Variants in NRG1 observed in about 807,000 individuals in gnomAD.
NRG1 encodes pro-neuregulin-1, membrane-bound isoform.
Under a neutral mutation model 63.8 loss-of-function variants are expected in NRG1, and 18 were observed. The ratio of observed to expected loss-of-function variants is 0.28; its 90% CI spans 0.19 to 0.42. The LOEUF (loss-of-function observed/expected upper bound fraction) is 0.42. Among genes scored for constraint, NRG1 ranks in the 10% least tolerant of loss-of-function variants. The pLI is 1.00. For missense variants in NRG1, 762 were observed against 814.7 expected, an observed-to-expected ratio of 0.94 and a Z score of 0.79; for synonymous variants, 302 against 301.3, an observed-to-expected ratio of 1.00 and a Z score of -0.02.
At chr8:32,106,096 T>C (rs1831223554) in intron 1 of NRG1, among the ~76,000 whole-genome samples, 1 of 152,182 alleles carries the variant, frequency 6.6e-6, no homozygotes, top group South Asian at 2.1e-4. Context: ...AAACGTTGTG[T>C]GTGCATATAA....
intron 1 of NRG1, among the ~76,000 whole-genome samples, chr8:31,822,371 A>G (rs993801256): frequency 6.6e-6 from 1 of 151,704 alleles, no homozygotes; most frequent in Non-Finnish European, 1.5e-5. Context: ...GTGTTTGGAG[A>G]GATGGTTATG....
intron 1 of NRG1, among the ~76,000 whole-genome samples, chr8:31,970,730 G>A (rs1033132965): frequency 6.6e-6 from 1 of 152,056 alleles, no homozygotes; most frequent in Non-Finnish European, 1.5e-5. Context: ...TAGGACTGCT[G>A]TACCCACAGT....
At chr8:32,549,349 T>G (rs1833685531) in intron 1 of NRG1, among the ~76,000 whole-genome samples, 1 of 152,194 alleles carries the variant, frequency 6.6e-6, no homozygotes. Flanking sequence ...TTCGGCGTTT[T>G]GGGGCACAGG....
chr8:31,981,958 G>T (rs10104419), intron 1 of NRG1, among the ~76,000 whole-genome samples: 2 of 151,782 alleles, frequency 1.3e-5, no homozygotes, highest in Non-Finnish European at 2.9e-5. Flanking sequence ...AATGGTAGAG[G>T]TGGTGGGTGA....
At chr8:32,401,665 A>G (rs1430500520) in intron 1 of NRG1, among the ~76,000 whole-genome samples, 1 of 152,146 alleles carries the variant, frequency 6.6e-6, no homozygotes, top group East Asian at 1.9e-4. Flanking sequence ...GCCCTCACTT[A>G]TCAGTGGGAG....
intron 1 of NRG1, among the ~76,000 whole-genome samples, chr8:32,178,571 T>C (rs1041769778): frequency 3.3e-5 from 5 of 152,134 alleles, no homozygotes; most frequent in Non-Finnish European, 7.4e-5. Context: ...GATTGCATCA[T>C]TGCACTGCAG....
At chr8:31,926,045 G>A (rs1834332857) in intron 1 of NRG1, among the ~76,000 whole-genome samples, 2 of 152,112 alleles carry the variant, frequency 1.3e-5, no homozygotes, top group Non-Finnish European at 2.9e-5. Flanking sequence ...TAAAGGTTCT[G>A]GATGATGATC....
chr8:31,837,433 T>G (rs1048491864), intron 1 of NRG1, among the ~76,000 whole-genome samples: 12 of 152,082 alleles, frequency 7.9e-5, no homozygotes, highest in African/African-American at 2.7e-4. Context: ...TCCTAATACA[T>G]GTACATATTG....
intron 1 of NRG1, among the ~76,000 whole-genome samples, chr8:31,997,955 G>A (rs1812286084): frequency 6.6e-6 from 1 of 151,954 alleles, no homozygotes; most frequent in Admixed American, 6.6e-5. Flanking sequence ...TCTCAAATCT[G>A]GACAGTCTAT....
chr8:32,502,949 G>A (rs1002239168), intron 1 of NRG1, among the ~76,000 whole-genome samples: 2 of 152,096 alleles, frequency 1.3e-5, no homozygotes, highest in Non-Finnish European at 2.9e-5. Context: ...AAAAGAGCAG[G>A]TTTATTAACA....
intron 1 of NRG1, among the ~76,000 whole-genome samples, chr8:31,694,677 G>A (rs748054413): frequency 3.3e-5 from 5 of 152,140 alleles, no homozygotes; most frequent in Non-Finnish European, 7.4e-5. Flanking sequence ...AGAGCCAATG[G>A]GGCATAGGGA....
chr8:32,753,469 T>A (rs1471941183), intron 7 of NRG1, among the ~76,000 whole-genome samples: 1 of 152,232 alleles, frequency 6.6e-6, no homozygotes, highest in Non-Finnish European at 1.5e-5. Context: ...CTTAGTATAA[T>A]CTACATTAGC....
At chr8:32,131,296 T>C (rs1041739327) in intron 1 of NRG1, among the ~76,000 whole-genome samples, 4 of 152,002 alleles carry the variant, frequency 2.6e-5, no homozygotes, top group Admixed American at 6.6e-5. Flanking sequence ...ATAGAAATCC[T>C]AAAACAACTG....
chr8:31,670,970 CA>C (rs1270049176), intron 1 of NRG1, among the ~76,000 whole-genome samples: 1 of 152,130 alleles, frequency 6.6e-6, no homozygotes, highest in East Asian at 1.9e-4. Context: ...CCTCAATCCA[CA>C]AATAGGTCCC....
chr8:32,359,042 A>G (rs1423060406), intron 1 of NRG1, among the ~76,000 whole-genome samples: 1 of 152,124 alleles, frequency 6.6e-6, no homozygotes, highest in African/African-American at 2.4e-5. Flanking sequence ...AGGGAGGGTG[A>G]ATAGCCCTCC....
chr8:31,867,354 G>A (rs1829055760), intron 1 of NRG1, among the ~76,000 whole-genome samples: 1 of 152,064 alleles, frequency 6.6e-6, no homozygotes, highest in Non-Finnish European at 1.5e-5. Flanking sequence ...TGGTTTAAGG[G>A]TTTTGCCTAA....
At chr8:32,094,350 G>T (rs576611281) in intron 1 of NRG1, among the ~76,000 whole-genome samples, 2 of 152,296 alleles carry the variant, frequency 1.3e-5, no homozygotes, top group South Asian at 4.1e-4. Flanking sequence ...CAAAGGAGGG[G>T]CAGCCCCATT....
chr8:31,813,098 T>C (rs887470231), intron 1 of NRG1, among the ~76,000 whole-genome samples: 4 of 152,222 alleles, frequency 2.6e-5, no homozygotes, highest in African/African-American at 9.6e-5. Context: ...TTGTCAGCTA[T>C]ATTTTGATTA....
rs192712990 is a variant in NRG1, at chr8:31,864,098, G to C, written c.37+224667G>C. On this transcript the variant is annotated intron_variant, in intron 1 of 10. Transcript: ENST00000519301. Reference sequence around the variant, plus strand: ...GTCATGTCTGTGAAGGACCCTTGATGGTATCTAGTCTTAACCCTCAACTTA... The same window carrying C: ...GTCATGTCTGTGAAGGACCCTTGATCGTATCTAGTCTTAACCCTCAACTTA... 7.6e-3 allele frequency among the ~76,000 whole-genome samples: 1,162 copies of C among 152,260 alleles called. 8 individuals carry two copies. Among genetic ancestry groups the C allele is most frequent in the Middle Eastern group, 0.021 (6 of 292 alleles).
Sources: gnomAD v4.1 joint callset for allele counts (sites outside exome capture counted in the v4.1 genomes callset) on GRCh38, gnomAD v4.1.1 for gene constraint, MANE v1.5 for transcripts, NCBI Gene and HGNC (gene_info 2026-07-23, HGNC 2026-07-21) for gene names.